The following SPEF2 variants were observed in gnomAD, a reference collection of about 807,000 sequenced individuals.
SPEF2 encodes the protein sperm flagella and cilia-associated protein 2.
SPEF2 carries 187 observed loss-of-function variants against 224.6 expected under a neutral mutation model. That is an observed-to-expected ratio of 0.83 (90% CI 0.74 to 0.94). SPEF2 has a LOEUF of 0.94. Ranked by LOEUF, SPEF2 falls within the 40% of genes least tolerant of loss-of-function variation. The pLI, the probability that SPEF2 is intolerant of heterozygous loss-of-function variation, is 0.00. For missense variants in SPEF2, 2,170 were observed against 2,135.6 expected (o/e 1.02, Z -0.32); for synonymous variants, 715 against 707.3 (o/e 1.01, Z -0.17).
intron 1 of SPEF2, among the ~76,000 whole-genome samples, chr5:35,621,426 A>G (rs1743495002): frequency 6.6e-6 from 1 of 152,186 alleles, no homozygotes; most frequent in Admixed American, 6.5e-5. Flanking sequence ...TCTTACAGCT[A>G]GTAGGTCGTA....
intron 36 of SPEF2, chr5:35,808,065 C>A: frequency 9.4e-7 from 1 of 1,065,528 alleles, no homozygotes. Flanking sequence ...ATCTTGACTT[C>A]TCAATGATAG....
intron 20 of SPEF2, among the ~76,000 whole-genome samples, chr5:35,720,170 A>T (rs1203619918): frequency 6.6e-6 from 1 of 152,242 alleles, no homozygotes; most frequent in Non-Finnish European, 1.5e-5. Flanking sequence ...TAGGTTCTAA[A>T]TTCTGGAGGA....
rs539509213 is a variant in SPEF2, at chr5:35,639,809, G to GT, written c.162-1621dup. 1.5e-3 allele frequency among the ~76,000 whole-genome samples: 223 copies of GT among 152,046 alleles called. 1 individual carries two copies. The highest frequency in any genetic ancestry group is 5.2e-3 in the African/African-American group (214 of 41,474). ...GCAAGCAAGGACTGCTGGTAGAGAG[G>GT]TCCCTCAGAGGTCATCATTTACCTC... On this transcript the variant is annotated intron_variant, in intron 2 of 36. Coordinates refer to ENST00000356031, the MANE Select transcript of SPEF2 (RefSeq NM_024867.4).
chr5:35,738,295 G>A (rs1051953583), intron 21 of SPEF2, among the ~76,000 whole-genome samples: 62 of 151,950 alleles, frequency 4.1e-4, no homozygotes, highest in Middle Eastern at 6.8e-3. Flanking sequence ...GCCCATGCCT[G>A]TGTCCTGAAT....
At chr5:35,699,479 T>A (rs1738111483) in intron 15 of SPEF2, 1 of 152,176 alleles carries the variant, frequency 6.6e-6, no homozygotes, top group Non-Finnish European at 1.5e-5. Context: ...CTAACTGAGA[T>A]TTTAAAAGAC....
intron 10 of SPEF2, among the ~76,000 whole-genome samples, chr5:35,674,813 A>T (rs1440225872): frequency 1.3e-5 from 2 of 152,112 alleles, no homozygotes; most frequent in African/African-American, 4.8e-5. Context: ...ACAAACATTC[A>T]GCCCATAATA....
At chr5:35,671,315 A>G (rs1751193673) in intron 10 of SPEF2, 1 of 961,964 alleles carries the variant, frequency 1.0e-6, no homozygotes, top group South Asian at 4.8e-5. Context: ...ATAAGGAAAA[A>G]TATGAGATTA....
At position 35,641,459 on chromosome 5, in the gene SPEF2, T is replaced by C; in HGVS notation, c.190T>C (p.Ser64Pro). Reference sequence around the variant, plus strand: ...TTCAAGTGCCAAACTTAATAATTTTTCTCGCTTGGAGCCAACACTTAACCT... The same window carrying C: ...TTCAAGTGCCAAACTTAATAATTTTCCTCGCTTGGAGCCAACACTTAACCT... ...RVSSAKLNNFSRLEPTLNLLG... is the reference protein window; with the variant it reads ...RVSSAKLNNFPRLEPTLNLLG... The change falls in exon 3 of 37, where the codon TCT becomes CCT. Residue 64 changes from serine to proline, a missense_variant. Ser to Pro is a moderately conservative substitution (Grantham distance 74, BLOSUM62 -1). Coordinates refer to ENST00000356031, the MANE Select transcript of SPEF2 (RefSeq NM_024867.4). 6.2e-7 allele frequency: 1 copy of C among 1,613,216 alleles called. No individual in the cohort carries two copies. Among genetic ancestry groups the C allele is most frequent in the Middle Eastern group, 1.7e-4 (1 of 6,054 alleles).
chr5:35,811,282 T>A (rs1758515175), intron 36 of SPEF2, among the ~76,000 whole-genome samples: 1 of 152,140 alleles, frequency 6.6e-6, no homozygotes, highest in African/African-American at 2.4e-5. Flanking sequence ...TCTTTCAAGA[T>A]AAGAAGAGCA....
At position 35,793,353 on chromosome 5, in the gene SPEF2, C is replaced by A; in HGVS notation, c.4737+12C>A. Reference sequence around the variant, plus strand: ...AGCAGTATATGCAGGTTGTTACCAGCACCTGATGGCATTGATAACACCAGA... The same window carrying A: ...AGCAGTATATGCAGGTTGTTACCAGAACCTGATGGCATTGATAACACCAGA... On this transcript the variant is annotated intron_variant, in intron 32 of 36. Transcript: ENST00000356031. The A allele has an allele frequency of 6.2e-7, 1 of 1,605,736 alleles. No homozygotes were observed.
At chr5:35,633,834 A>G (rs907599060) in intron 2 of SPEF2, among the ~76,000 whole-genome samples, 4 of 151,976 alleles carry the variant, frequency 2.6e-5, no homozygotes, top group African/African-American at 9.7e-5. Context: ...CATGAAGATT[A>G]CAATTAATAT....
intron 12 of SPEF2, among the ~76,000 whole-genome samples, 187 bp downstream of exon 12, chr5:35,692,911 A>G (rs1754738218): frequency 6.6e-6 from 1 of 152,220 alleles, no homozygotes; most frequent in South Asian, 2.1e-4. Flanking sequence ...TTTTAGGCCA[A>G]GAGGTAAAAT....
chr5:35,792,222 C>T, intron 30 of SPEF2, 118 bp from the exon 31 acceptor site: 1 of 581,566 alleles, frequency 1.7e-6, no homozygotes, highest in Non-Finnish European at 2.7e-6. Flanking sequence ...TTAAAACTTA[C>T]CATTTTATAT....
intron 10 of SPEF2, among the ~76,000 whole-genome samples, chr5:35,677,419 C>T (rs1470882927): frequency 6.6e-6 from 1 of 152,168 alleles, no homozygotes; most frequent in Non-Finnish European, 1.5e-5. Context: ...TTGGTGGCCC[C>T]AGAACAGGGA....
At chr5:35,695,073 T>C (rs1755101351) in intron 13 of SPEF2, among the ~76,000 whole-genome samples, 1 of 152,182 alleles carries the variant, frequency 6.6e-6, no homozygotes, top group East Asian at 1.9e-4. Context: ...ATGTCCAGGT[T>C]TACTATGAGC....
intron 10 of SPEF2, among the ~76,000 whole-genome samples, chr5:35,680,870 G>A (rs1379252661): frequency 6.6e-6 from 1 of 152,130 alleles, no homozygotes; most frequent in Admixed American, 6.5e-5. Context: ...GTGTGTTTGG[G>A]TGTCTGGAGT....
chr5:35,680,687 G>C (rs571794518), intron 10 of SPEF2, among the ~76,000 whole-genome samples: 28 of 152,174 alleles, frequency 1.8e-4, no homozygotes, highest in Non-Finnish European at 3.4e-4. Context: ...GGACACATTG[G>C]AAGGGATGAA....
At chr5:35,693,728 T>C (rs1426412608) in intron 12 of SPEF2, among the ~76,000 whole-genome samples, 1 of 152,224 alleles carries the variant, frequency 6.6e-6, no homozygotes, top group African/African-American at 2.4e-5. Flanking sequence ...GCCTCTGCAA[T>C]TGAATAAATT....
At chr5:35,747,851 A>G (rs918107958) in intron 23 of SPEF2, among the ~76,000 whole-genome samples, 5 of 152,198 alleles carry the variant, frequency 3.3e-5, no homozygotes, top group African/African-American at 1.2e-4. Context: ...AAATATATAC[A>G]AAACACATCA....
Sources: gnomAD v4.1 joint callset for allele counts (sites outside exome capture counted in the v4.1 genomes callset) on GRCh38, gnomAD v4.1.1 for gene constraint, MANE v1.5 for transcripts, NCBI Gene and HGNC (gene_info 2026-07-23, HGNC 2026-07-21) for gene names.